The following NF1 variants were observed in gnomAD, a reference collection of about 807,000 sequenced individuals.
NF1 encodes neurofibromin 1.
NF1 carries 122 observed loss-of-function variants against 325.7 expected under a neutral mutation model. That is an observed-to-expected ratio of 0.37 (90% CI 0.32 to 0.44). The LOEUF is 0.44. Among genes scored for constraint, NF1 ranks in the 20% least tolerant of loss-of-function variants. NF1 has a pLI of 1.00. For missense variants in NF1, 2,140 were observed against 3,415.4 expected, an observed-to-expected ratio of 0.63 and a Z score of 9.31; for synonymous variants, 1,091 against 1,186.0, an observed-to-expected ratio of 0.92 and a Z score of 1.65.
At chr17:31,129,589 C>T (rs1915177766) in intron 1 of NF1, among the ~76,000 whole-genome samples, 1 of 151,854 alleles carries the variant, frequency 6.6e-6, no homozygotes, top group African/African-American at 2.4e-5. Context: ...GCCACTACAC[C>T]CATCTGATTT....
chr17:31,291,251 TTGAG>T (rs1363778978), intron 36 of NF1, among the ~76,000 whole-genome samples: 1 of 152,148 alleles, frequency 6.6e-6, no homozygotes, highest in Non-Finnish European at 1.5e-5. Context: ...TAAATATTTG[TTGAG>T]TGAAAGAATG....
At chr17:31,199,879 T>A (rs2066495470) in intron 8 of NF1, among the ~76,000 whole-genome samples, 1 of 152,174 alleles carries the variant, frequency 6.6e-6, no homozygotes, top group African/African-American at 2.4e-5. Flanking sequence ...CTCATGCCTG[T>A]AATTCTAGCA....
intron 57 of NF1, among the ~76,000 whole-genome samples, chr17:31,372,064 T>A (rs778070162): frequency 6.6e-6 from 1 of 152,262 alleles, no homozygotes; most frequent in African/African-American, 2.4e-5. Flanking sequence ...AATGAATACT[T>A]CTTGACTTGA....
intron 30 of NF1, chr17:31,252,704 T>C: frequency 2.0e-6 from 1 of 506,226 alleles, no homozygotes; most frequent in Non-Finnish European, 3.5e-6. Context: ...CCAGAAATAG[T>C]AGACATGATT....
intron 57 of NF1, among the ~76,000 whole-genome samples, chr17:31,369,767 A>G (rs16972218): frequency 0.019 from 2,912 of 152,296 alleles, 104 homozygotes; most frequent in African/African-American, 0.066. Flanking sequence ...GGAGTGGTCT[A>G]TCAGATAATC....
chr17:31,125,917 G>A (rs548282338), intron 1 of NF1, among the ~76,000 whole-genome samples: 2 of 152,276 alleles, frequency 1.3e-5, no homozygotes, highest in East Asian at 3.9e-4. Flanking sequence ...CTGTGTCCTT[G>A]CCAAAGCTTA....
intron 36 of NF1, among the ~76,000 whole-genome samples, chr17:31,281,512 A>G (rs1345574804): frequency 6.6e-6 from 1 of 152,232 alleles, no homozygotes; most frequent in Admixed American, 6.5e-5. Flanking sequence ...TAATGTCTGT[A>G]GAAGGATGCT....
chr17:31,193,814 A>G (rs1307479214), intron 8 of NF1, among the ~76,000 whole-genome samples: 1 of 152,258 alleles, frequency 6.6e-6, no homozygotes, highest in Non-Finnish European at 1.5e-5. Flanking sequence ...CATCAGGGAA[A>G]TGCAAATCAA....
chr17:31,096,965 A>G (rs2143166509), intron 1 of NF1, among the ~76,000 whole-genome samples: 1 of 152,356 alleles, frequency 6.6e-6, no homozygotes, highest in South Asian at 2.1e-4. Context: ...AGGATTTAAA[A>G]GGCACATAGA....
At position 31,325,900 on chromosome 17, in the gene NF1, A is replaced by G. The variant is rs2151537745; in HGVS notation, c.4916A>G (p.Tyr1639Cys). 1 of 1,614,152 alleles carries G rather than the reference A, an allele frequency of 6.2e-7. No individual in the cohort carries two copies. Among genetic ancestry groups the G allele is most frequent in the Non-Finnish European group, 8.5e-7 (1 of 1,179,984 alleles). The change falls in exon 37 of 58, where the codon TAT (tyrosine) becomes TGT (cysteine). Residue 1639 changes from tyrosine (Y) to cysteine (C), a missense_variant. Physicochemically the swap from Tyr to Cys is radical, Grantham distance 194. Around this residue, in one of 10 missense-constraint regions of NF1, gnomAD observed 103 missense variants for 214.6 expected, o/e 0.48. Transcript: ENST00000358273. ...TTAAAGCCATATTATGCAAAGCCAT[A>G]TGAAATTGTAGTGGACCTTACCCAT... ...LTLKPYYAKPYEIVVDLTHTG... is the reference protein window; with the variant it reads ...LTLKPYYAKPCEIVVDLTHTG...
At chr17:31,095,436 G>A in intron 1 of NF1, 67 bp downstream of exon 1, 12 of 1,441,072 alleles carry the variant, frequency 8.3e-6, no homozygotes, top group Non-Finnish European at 1.1e-5. Flanking sequence ...GGTGAGGGGA[G>A]GTAGGAGCGG....
rs147360847 is a variant in NF1, at chr17:31,113,350, C to G, written c.60+17981C>G. On this transcript the variant is annotated intron_variant, in intron 1 of 57. Coordinates refer to ENST00000358273, the MANE Select transcript of NF1 (RefSeq NM_001042492.3). Reference sequence around the variant, plus strand: ...CATAGCTCACTTCAGCCTTGAACTCCTGAGCTGAAGTGATTCTCCCAAGAA... The same window carrying G: ...CATAGCTCACTTCAGCCTTGAACTCGTGAGCTGAAGTGATTCTCCCAAGAA... Among the ~76,000 whole-genome samples the G allele has an allele frequency of 2.3e-3, 348 of 151,976 alleles. 3 individuals carry two copies. The highest frequency in any genetic ancestry group is 8.2e-3 in the African/African-American group (341 of 41,412).
chr17:31,304,649 C>CACTATCTT, intron 36 of NF1: 3 of 1,614,166 alleles, frequency 1.9e-6, no homozygotes, highest in Non-Finnish European at 2.5e-6. Flanking sequence ...GAACCATCAG[C>CACTATCTT]ACTATCTTCT....
chr17:31,232,635 T>C, intron 25 of NF1, 65 bp from the exon 26 acceptor site: 1 of 1,464,738 alleles, frequency 6.8e-7, no homozygotes, highest in Non-Finnish European at 9.5e-7. Flanking sequence ...TGTTTTGGAA[T>C]GTCTGGTTAG....
intron 1 of NF1, among the ~76,000 whole-genome samples, chr17:31,126,779 C>A (rs140265808): frequency 4.6e-5 from 7 of 152,064 alleles, no homozygotes; most frequent in African/African-American, 1.7e-4. Context: ...AATATCTTTT[C>A]CAATTTATGA....
intron 1 of NF1, among the ~76,000 whole-genome samples, chr17:31,109,378 T>A (rs1043661603): frequency 6.6e-6 from 1 of 152,076 alleles, no homozygotes; most frequent in African/African-American, 2.4e-5. Flanking sequence ...AAGATCATTT[T>A]CTTTTTTTTC....
intron 32 of NF1, 63 bp from the exon 33 acceptor site, chr17:31,258,969 C>G: frequency 9.2e-7 from 1 of 1,085,882 alleles, no homozygotes; most frequent in South Asian, 1.4e-5. Context: ...TAAAGAATGT[C>G]TTAATGTATA....
intron 1 of NF1, among the ~76,000 whole-genome samples, chr17:31,114,924 T>G (rs1235719628): frequency 6.6e-6 from 1 of 152,190 alleles, no homozygotes; most frequent in Non-Finnish European, 1.5e-5. Flanking sequence ...GTGGCTGTGG[T>G]TTTCCATTAA....
chr17:31,147,769 T>G (rs554711699), intron 1 of NF1, among the ~76,000 whole-genome samples: 1 of 152,352 alleles, frequency 6.6e-6, no homozygotes, highest in Admixed American at 6.5e-5. Context: ...TGAACTCTTT[T>G]GTCCTCTCGA....
Sources: allele counts gnomAD v4.1 joint callset (sites outside exome capture counted in the v4.1 genomes callset), GRCh38; gene constraint gnomAD v4.1.1; regional missense constraint gnomAD v4.1.1; transcripts MANE v1.5; gene names NCBI Gene and HGNC (gene_info 2026-07-23, HGNC 2026-07-21).